The following DCAF17 variants were observed in gnomAD, a reference collection of about 807,000 sequenced individuals.
The protein encoded by DCAF17 is DDB1- and CUL4-associated factor 17.
In DCAF17, 48 loss-of-function variants were observed where a neutral mutation model predicts 66.0. The observed-to-expected ratio is 0.73, with a 90% CI of 0.58 to 0.92. The LOEUF (loss-of-function observed/expected upper bound fraction) is 0.92. Among genes scored for constraint, DCAF17 ranks in the 40% least tolerant of loss-of-function variants. The probability of loss-of-function intolerance (pLI) is 0.00; values close to 1 mark genes in which losing one functional copy is unlikely to be tolerated. For synonymous variants in DCAF17, 206 were observed against 214.6 expected, an observed-to-expected ratio of 0.96 and a Z score of 0.35; for missense variants, 562 against 622.8, an observed-to-expected ratio of 0.90 and a Z score of 1.04.
chr2:171,443,022 T>G (rs1694397109), intron 2 of DCAF17: 1 of 152,184 alleles, frequency 6.6e-6, no homozygotes, highest in African/African-American at 2.4e-5. Context: ...TTCTGAAAAG[T>G]AATTTGGGAG....
chr2:171,443,633 CGTTTGT>C lies in DCAF17; in HGVS notation c.321+21_321+26del. On this transcript the variant is annotated intron_variant, in intron 3 of 13. Coordinates refer to ENST00000375255, the MANE Select transcript of DCAF17 (RefSeq NM_025000.4). ...CCAGTGGTAAGATTTGTTTTTAGAG[CGTTTGT>C]TTCTAAAGCATTTTTAGCCTAGAAG... 6.3e-7 allele frequency: 1 copy of C among 1,592,124 alleles called. No homozygotes were observed. The highest frequency in any genetic ancestry group is 8.6e-7 in the Non-Finnish European group (1 of 1,160,746).
chr2:171,465,773 C>G (rs915855027), intron 8 of DCAF17, among the ~76,000 whole-genome samples: 1 of 152,218 alleles, frequency 6.6e-6, no homozygotes, highest in African/African-American at 2.4e-5. Context: ...ACATGGGCCA[C>G]TGTGCCCAGC....
At chr2:171,437,180 A>G (rs1468204517) in intron 2 of DCAF17, among the ~76,000 whole-genome samples, 1 of 151,980 alleles carries the variant, frequency 6.6e-6, no homozygotes, top group Non-Finnish European at 1.5e-5. Context: ...GGTCATTAAG[A>G]TTTGCTCCTA....
At chr2:171,468,702 G>A (rs144095736) in intron 8 of DCAF17, among the ~76,000 whole-genome samples, 186 bp from the exon 9 acceptor site, 7 of 152,122 alleles carry the variant, frequency 4.6e-5, no homozygotes, top group African/African-American at 1.4e-4. Context: ...TTTAGGTTCC[G>A]ACTGGCTGTT....
chr2:171,446,335 C>G (rs1574334149), intron 3 of DCAF17, among the ~76,000 whole-genome samples: 1 of 152,022 alleles, frequency 6.6e-6, no homozygotes, highest in Non-Finnish European at 1.5e-5. Flanking sequence ...ATCACGAGAT[C>G]GGGTGTTCAA....
At chr2:171,452,620 A>G (rs1267136427) in intron 5 of DCAF17, among the ~76,000 whole-genome samples, 2 of 151,938 alleles carry the variant, frequency 1.3e-5, no homozygotes, top group Non-Finnish European at 2.9e-5. Context: ...TGTCCAGCTA[A>G]TTTTTTTATT....
intron 5 of DCAF17, among the ~76,000 whole-genome samples, chr2:171,450,524 CAAG>C (rs962772910): frequency 2.6e-5 from 4 of 151,744 alleles, no homozygotes; most frequent in Admixed American, 1.3e-4. Context: ...AAATTTATAT[CAAG>C]AAACTTTTTG....
chr2:171,436,244 T>C (rs547139570), intron 2 of DCAF17, among the ~76,000 whole-genome samples: 2 of 152,364 alleles, frequency 1.3e-5, no homozygotes, highest in East Asian at 3.9e-4. Context: ...TTGGTGTTTC[T>C]ACCTTTTAGC....
chr2:171,446,416 C>T (rs530659365), intron 3 of DCAF17, among the ~76,000 whole-genome samples: 11 of 152,050 alleles, frequency 7.2e-5, no homozygotes, highest in Admixed American at 2.0e-4. Context: ...TGTGGTGGCA[C>T]GCACCTGTAA....
At chr2:171,451,172 C>T (rs957566765) in intron 5 of DCAF17, among the ~76,000 whole-genome samples, 1 of 151,930 alleles carries the variant, frequency 6.6e-6, no homozygotes, top group Non-Finnish European at 1.5e-5. Context: ...TTTCATTCCT[C>T]CCTCATCTCT....
At chr2:171,448,140 C>T (rs1694737318) in intron 3 of DCAF17, among the ~76,000 whole-genome samples, 1 of 150,996 alleles carries the variant, frequency 6.6e-6, no homozygotes, top group Non-Finnish European at 1.5e-5. Context: ...GCAGAGAACC[C>T]TTTTTTTTTG....
intron 2 of DCAF17, among the ~76,000 whole-genome samples, chr2:171,439,765 T>TA (rs1249714506): frequency 2.6e-5 from 4 of 151,694 alleles, no homozygotes; most frequent in Admixed American, 6.6e-5. Flanking sequence ...CCATCTCTAC[T>TA]AAAAAAACAA....
chr2:171,476,441 C>T (rs1261167815), intron 10 of DCAF17, among the ~76,000 whole-genome samples: 1 of 152,072 alleles, frequency 6.6e-6, no homozygotes, highest in African/African-American at 2.4e-5. Context: ...TTTTAGTTAA[C>T]CCTAAGTGTT....
At chr2:171,469,740 T>C (rs1696132324) in intron 9 of DCAF17, among the ~76,000 whole-genome samples, 1 of 152,176 alleles carries the variant, frequency 6.6e-6, no homozygotes, top group South Asian at 2.1e-4. Context: ...GTGATTGTGA[T>C]AAGTGCAAAA....
At chr2:171,445,345 G>A (rs575708651) in intron 3 of DCAF17, among the ~76,000 whole-genome samples, 18 of 152,176 alleles carry the variant, frequency 1.2e-4, no homozygotes, top group African/African-American at 3.6e-4. Flanking sequence ...GGCTGGTCTC[G>A]AACTCTTGAC....
chr2:171,434,728 G>A, intron 1 of DCAF17, 25 bp downstream of exon 1: 2 of 1,412,186 alleles, frequency 1.4e-6, no homozygotes, highest in South Asian at 1.5e-5. Flanking sequence ...GCCGGGGCGG[G>A]ACGGAGGGCC....
rs532540667 is a variant in DCAF17 at position 171,461,473 on chromosome 2, G to A, written c.838+2996G>A. Among the ~76,000 whole-genome samples the A allele has an allele frequency of 6.9e-4, 105 of 152,072 alleles. No homozygotes were observed. In the South Asian group the frequency reaches 0.021, roughly 31 times the overall value. On this transcript the variant is annotated intron_variant, in intron 8 of 13. Transcript: ENST00000375255. Reference sequence around the variant, plus strand: ...AAATAAAATAAAATTTAAAAATTGGGAAATAAAGATAAGCAAAAGAGAAAA... The same window carrying A: ...AAATAAAATAAAATTTAAAAATTGGAAAATAAAGATAAGCAAAAGAGAAAA...
Position 171,473,891 on chromosome 2 carries a change from ATTG to A in DCAF17, c.1013_1015del (p.Cys338del), listed in dbSNP as rs1226413145. 9.3e-6 allele frequency: 15 copies of A among 1,613,640 alleles called. No homozygotes were observed. The highest frequency in any genetic ancestry group is 1.3e-5 in the Non-Finnish European group (15 of 1,179,838). ...GCAAAAAATGGGATCCAAGAAATGGATTGTTGTTCTCTAGAATCTGACTGGATC... is the reference window on the plus strand; with the variant it reads ...GCAAAAAATGGGATCCAAGAAATGGATTGTTCTCTAGAATCTGACTGGATC... On this transcript the variant is annotated inframe_deletion, in exon 10 of 14. Coordinates refer to ENST00000375255, the MANE Select transcript of DCAF17 (RefSeq NM_025000.4).
intron 3 of DCAF17, among the ~76,000 whole-genome samples, chr2:171,446,590 T>G (rs1694638869): frequency 6.6e-6 from 1 of 151,862 alleles, no homozygotes; most frequent in East Asian, 1.9e-4. Flanking sequence ...AGAAAAATAA[T>G]GAATCTAAGT....
Sources: gnomAD v4.1 joint callset for allele counts (sites outside exome capture counted in the v4.1 genomes callset) on GRCh38, gnomAD v4.1.1 for gene constraint, MANE v1.5 for transcripts, NCBI Gene and HGNC (gene_info 2026-07-23, HGNC 2026-07-21) for gene names.